The following RCOR1 variants were observed in gnomAD, a reference collection of about 807,000 sequenced individuals.
The protein encoded by RCOR1 is REST corepressor 1.
A neutral mutation model predicts 64.0 loss-of-function variants in RCOR1; 12 were observed. The ratio of observed to expected loss-of-function variants is 0.19; its 90% CI spans 0.12 to 0.30. The LOEUF (loss-of-function observed/expected upper bound fraction) is 0.30, where lower values mean the gene tolerates loss of function less well. Among genes scored for constraint, RCOR1 ranks in the 10% least tolerant of loss-of-function variants. RCOR1 has a pLI of 1.00. For synonymous variants in RCOR1, 279 were observed against 227.2 expected (o/e 1.23, Z -2.05); for missense variants, 502 against 621.2 (o/e 0.81, Z 2.04).
intron 2 of RCOR1, among the ~76,000 whole-genome samples, chr14:102,619,437 ATC>A (rs1893826848): frequency 7.0e-6 from 1 of 142,018 alleles, no homozygotes; most frequent in Admixed American, 7.1e-5. Flanking sequence ...CTATCTATCT[ATC>A]TGTCTGTCTG....
At chr14:102,700,574 A>T (rs1398613149) in intron 3 of RCOR1, among the ~76,000 whole-genome samples, 1 of 152,132 alleles carries the variant, frequency 6.6e-6, no homozygotes, top group Non-Finnish European at 1.5e-5. Flanking sequence ...TCACTATGTT[A>T]TCCAGGCTAA....
chr14:102,682,047 G>C, intron 3 of RCOR1, 69 bp downstream of exon 3: 1 of 982,334 alleles, frequency 1.0e-6, no homozygotes, highest in South Asian at 1.5e-5. Context: ...ACCTTTGAAG[G>C]TAAAAGCTTC....
chr14:102,615,128 G>GT (rs1567408575), intron 2 of RCOR1, among the ~76,000 whole-genome samples: 1 of 132,494 alleles, frequency 7.5e-6, no homozygotes, highest in East Asian at 2.3e-4. Flanking sequence ...ATAGTGCCCG[G>GT]CCCCCCCGCC....
At chr14:102,655,292 A>C (rs1018594800) in intron 2 of RCOR1, 6 of 984,866 alleles carry the variant, frequency 6.1e-6, no homozygotes, top group East Asian at 1.1e-4. Context: ...TATTTTCTAC[A>C]AGGATTCTGT....
At chr14:102,681,818 A>G in intron 2 of RCOR1, 77 bp from the exon 3 acceptor site, 1 of 1,043,682 alleles carries the variant, frequency 9.6e-7, no homozygotes, top group East Asian at 2.6e-5. Context: ...GGGTGATGTC[A>G]TTAAAAGGTA....
intron 2 of RCOR1, among the ~76,000 whole-genome samples, chr14:102,653,947 C>A (rs534503680): frequency 2.3e-5 from 1 of 43,300 alleles, no homozygotes; most frequent in African/African-American, 1.9e-4. Flanking sequence ...TTCTTTCTTT[C>A]TTTCTTTCTT....
chr14:102,632,678 C>CCTTTCCTTTCCTTTCCTTT (rs1567415205), intron 2 of RCOR1, among the ~76,000 whole-genome samples: 1 of 95,686 alleles, frequency 1.0e-5, no homozygotes, highest in African/African-American at 4.4e-5. Flanking sequence ...CCTTTCCTTT[C>CCTTTCCTTTCCTTTCCTTT]CTTTTCCTTT....
At chr14:102,637,333 G>A (rs552039471) in intron 2 of RCOR1, among the ~76,000 whole-genome samples, 3 of 152,060 alleles carry the variant, frequency 2.0e-5, no homozygotes, top group Admixed American at 6.6e-5. Context: ...TACTATGTTG[G>A]TGAGGCTGGT....
intron 2 of RCOR1, among the ~76,000 whole-genome samples, chr14:102,609,416 G>A (rs1567406298): frequency 6.6e-6 from 1 of 152,016 alleles, no homozygotes; most frequent in African/African-American, 2.4e-5. Context: ...CATGATTAAC[G>A]TATGAGGGTT....
intron 3 of RCOR1, among the ~76,000 whole-genome samples, chr14:102,693,808 C>T (rs772342808): frequency 1.3e-5 from 2 of 152,126 alleles, no homozygotes; most frequent in Non-Finnish European, 2.9e-5. Context: ...TGTTTATCTG[C>T]TTCCTGTTTC....
rs370249851 is a variant in RCOR1, at chr14:102,712,329, C to T, written c.858+1316C>T. 2.6e-5 allele frequency among the ~76,000 whole-genome samples: 4 copies of T among 151,952 alleles called. No individual in the cohort carries two copies. The East Asian group carries it at 7.7e-4, about 29-fold the overall frequency. The stretch of plus-strand genomic sequence containing the variant: ...TACCGAGTAGCTGGGATTATAGGCA[C>T]ATGCCACCACGCCCTGCTAGGTTTT... On this transcript the variant is annotated intron_variant, in intron 7 of 11. Transcript: ENST00000262241.
intron 3 of RCOR1, among the ~76,000 whole-genome samples, chr14:102,685,320 C>G (rs1895395039): frequency 6.6e-6 from 1 of 151,722 alleles, no homozygotes; most frequent in Non-Finnish European, 1.5e-5. Context: ...TTTTTTTTTA[C>G]TGTAACTAGT....
chr14:102,626,304 C>G (rs1170410498), intron 2 of RCOR1, among the ~76,000 whole-genome samples: 1 of 152,178 alleles, frequency 6.6e-6, no homozygotes, highest in Non-Finnish European at 1.5e-5. Context: ...TACAACAAAG[C>G]TTTTACTGGG....
chr14:102,695,665 C>T (rs1895631524), intron 3 of RCOR1, among the ~76,000 whole-genome samples: 1 of 152,008 alleles, frequency 6.6e-6, no homozygotes. Flanking sequence ...CCTGCTTCAG[C>T]CTCCTGAGCA....
intron 2 of RCOR1, among the ~76,000 whole-genome samples, chr14:102,615,281 T>C (rs534890477): frequency 6.7e-6 from 1 of 148,714 alleles, no homozygotes; most frequent in Admixed American, 6.8e-5. Flanking sequence ...TACAGGTGTA[T>C]GTCGTCATGC....
intron 2 of RCOR1, among the ~76,000 whole-genome samples, chr14:102,675,507 C>T (rs551337787): frequency 9.2e-4 from 140 of 152,272 alleles, no homozygotes; most frequent in African/African-American, 3.1e-3. Context: ...ACAAATGCTG[C>T]GATGCTATGA....
intron 2 of RCOR1, among the ~76,000 whole-genome samples, chr14:102,647,712 T>G (rs1008637939): frequency 5.9e-5 from 9 of 152,140 alleles, no homozygotes; most frequent in African/African-American, 2.2e-4. Context: ...GGAGTCTCCA[T>G]CTGTCGCCCT....
At chr14:102,645,339 A>G (rs1894457957) in intron 2 of RCOR1, among the ~76,000 whole-genome samples, 1 of 152,198 alleles carries the variant, frequency 6.6e-6, no homozygotes. Flanking sequence ...ACCACTGAGA[A>G]TTTTGAGAAT....
intron 2 of RCOR1, among the ~76,000 whole-genome samples, chr14:102,673,534 A>C (rs1266033206): frequency 6.6e-6 from 1 of 151,182 alleles, no homozygotes; most frequent in East Asian, 1.9e-4. Context: ...ACGGGGTTTC[A>C]CTGTGTTAGC....
Sources: gnomAD v4.1 joint callset for allele counts (sites outside exome capture counted in the v4.1 genomes callset) on GRCh38, gnomAD v4.1.1 for gene constraint, MANE v1.5 for transcripts, NCBI Gene and HGNC (gene_info 2026-07-23, HGNC 2026-07-21) for gene names.